Variants in NKD2 observed in about 807,000 individuals in gnomAD.
NKD2 encodes protein naked cuticle homolog 2.
A neutral mutation model predicts 34.8 loss-of-function variants in NKD2; 43 were observed. The ratio of observed to expected loss-of-function variants is 1.24; its 90% confidence interval spans 0.97 to 1.60. The LOEUF (loss-of-function observed/expected upper bound fraction) is 1.60, where lower values mean the gene tolerates loss of function less well. Among genes scored for constraint, NKD2 ranks in the 40% most tolerant of loss-of-function variants. The pLI is 0.00. For synonymous variants in NKD2, 278 were observed against 265.1 expected, an observed-to-expected ratio of 1.05 and a Z score of -0.47; for missense variants, 675 against 627.1, an observed-to-expected ratio of 1.08 and a Z score of -0.82.
intron 9 of NKD2, chr5:1,037,408 G>A: frequency 1.0e-6 from 1 of 957,200 alleles, no homozygotes; most frequent in African/African-American, 1.6e-5. Flanking sequence ...TTGTGAAGGT[G>A]GCAGTCCTGA....
rs1450322308 is a variant in NKD2 at position 1,026,368 on chromosome 5, G to A, written c.142-5784G>A. On this transcript the variant is annotated intron_variant, in intron 3 of 9. Transcript: ENST00000296849. The stretch of plus-strand genomic sequence containing the variant: ...CCTGCTCTTCCCACCCTCTGTGGGC[G>A]TCTCGGCCCATTGTCCCTGCTCTTC... Among the ~76,000 whole-genome samples, 4 of 86,084 alleles carry A rather than the reference G, an allele frequency of 4.6e-5. 1 individual carries two copies. Among genetic ancestry groups the A allele is most frequent in the South Asian group, 9.4e-4 (2 of 2,138 alleles). The allele number at this position is 86,084 out of a possible 152,430, so 56.5% of individuals were successfully genotyped here. A position where few individuals can be genotyped will look rare whatever the true frequency, so the allele number is the denominator to read the frequency against.
chr5:1,031,131 C>T (rs558955569), intron 3 of NKD2, among the ~76,000 whole-genome samples: 7 of 152,272 alleles, frequency 4.6e-5, no homozygotes, highest in African/African-American at 1.4e-4. Flanking sequence ...TGCTCAGCCT[C>T]CTGCCTGGGC....
chr5:1,030,953 C>T (rs749635069), intron 3 of NKD2, among the ~76,000 whole-genome samples: 6 of 152,146 alleles, frequency 3.9e-5, no homozygotes, highest in Non-Finnish European at 5.9e-5. Context: ...GGCAGCGCCA[C>T]CTTAGTGCCC....
Position 1,009,697 on chromosome 5 carries a change from A to G in NKD2, c.141+137A>G. The G allele has an allele frequency of 4.5e-6, 3 of 665,086 alleles. No homozygotes were observed. Among genetic ancestry groups the G allele is most frequent in the East Asian group, 3.5e-5 (1 of 28,492 alleles). 41.2% of individuals were successfully genotyped at this position (665,086 alleles called of 1,614,324 possible). A position where few individuals can be genotyped will look rare whatever the true frequency, so the allele number is the denominator to read the frequency against. On this transcript the variant is annotated intron_variant, in intron 3 of 9. Coordinates refer to ENST00000296849, the MANE Select transcript of NKD2 (RefSeq NM_033120.4). The surrounding 1 kb of genome is among the most constrained non-coding windows in gnomAD (Gnocchi z 6.9). ...ATGGCCGCACGAGTGACCGGGGGCCAGGAGAGCCAGTCTCTCCCCAGCCTC... is the reference window on the plus strand; with the variant it reads ...ATGGCCGCACGAGTGACCGGGGGCCGGGAGAGCCAGTCTCTCCCCAGCCTC...
In NKD2 at chr5:1,034,313, GGGAA is replaced by G; in HGVS notation, c.412_415del (p.Lys138SerfsTer33). 1 of 1,612,750 alleles carries G rather than the reference GGGAA, an allele frequency of 6.2e-7. No individual in the cohort carries two copies. The highest frequency in any genetic ancestry group is 1.3e-5 in the African/African-American group (1 of 75,028). On this transcript the variant is annotated frameshift_variant, in exon 6 of 10. Transcript: ENST00000296849. LOFTEE classifies it high-confidence loss of function. Reference sequence around the variant, plus strand: ...CACGCTCTATGACTTTGACAACTGCGGGAAGGTCACCAGGGAGGTAGGTGAGCTT... The same window carrying G: ...CACGCTCTATGACTTTGACAACTGCGGGTCACCAGGGAGGTAGGTGAGCTT...
intron 8 of NKD2, 48 bp from the exon 9 acceptor site, chr5:1,036,209 G>A (rs73026756): frequency 0.039 from 58,000 of 1,484,156 alleles, 1,221 homozygotes; most frequent in African/African-American, 0.065. Flanking sequence ...TCAGGGGTGC[G>A]CCACCCAGTC....
intron 3 of NKD2, among the ~76,000 whole-genome samples, chr5:1,017,915 G>A (rs891465305): frequency 3.3e-5 from 5 of 151,672 alleles, no homozygotes; most frequent in Non-Finnish European, 7.4e-5. Flanking sequence ...CTGGGGTGCA[G>A]GGCCTGTGGT....
At chr5:1,018,456 C>CTTTG (rs1293146804) in intron 3 of NKD2, among the ~76,000 whole-genome samples, 3 of 152,224 alleles carry the variant, frequency 2.0e-5, no homozygotes, top group African/African-American at 7.2e-5. Flanking sequence ...CGGACATGGG[C>CTTTG]CTGGGGAAGG....
At chr5:1,017,675 C>G (rs1031406555) in intron 3 of NKD2, among the ~76,000 whole-genome samples, 27 of 152,224 alleles carry the variant, frequency 1.8e-4, no homozygotes, top group African/African-American at 6.0e-4. Context: ...AGCCCCCCAC[C>G]ACGGGGCCGC....
At chr5:1,012,520 G>A (rs1238263345) in intron 3 of NKD2, among the ~76,000 whole-genome samples, 1 of 152,252 alleles carries the variant, frequency 6.6e-6, no homozygotes, top group East Asian at 1.9e-4. Context: ...AAGGGAGCCA[G>A]GAGGACCACA....
intron 3 of NKD2, among the ~76,000 whole-genome samples, chr5:1,027,510 C>G (rs1166644188): frequency 1.3e-5 from 2 of 152,226 alleles, no homozygotes; most frequent in Non-Finnish European, 2.9e-5. Context: ...TCCCTCTCCT[C>G]TGCCTCGGCT....
rs754448179 is a variant in NKD2, at chr5:1,038,484, C to T, written c.*111C>T. Reference sequence around the variant, plus strand: ...CATGGGGAGCCCAGCCCCCACCCCCCACCTCCGACAGCAAACAGCAACTGA... The same window carrying T: ...CATGGGGAGCCCAGCCCCCACCCCCTACCTCCGACAGCAAACAGCAACTGA... On this transcript the variant is annotated 3_prime_UTR_variant, in exon 10 of 10. Transcript: ENST00000296849. The surrounding 1 kb of genome is among the most constrained non-coding windows in gnomAD (Gnocchi z 4.5). 4 of 1,531,434 alleles carry T rather than the reference C, an allele frequency of 2.6e-6. No homozygotes were observed. The highest frequency in any genetic ancestry group is 3.9e-5 in the Admixed American group (2 of 50,982). The allele number at this position is 1,531,434 out of a possible 1,614,324, so 94.9% of individuals were successfully genotyped here.
In NKD2 at chr5:1,009,499, CCGCGTA is replaced by C; in HGVS notation, c.85_90del (p.Tyr29_Ala30del). On this transcript the variant is annotated inframe_deletion, in exon 3 of 10. Coordinates refer to ENST00000296849, the MANE Select transcript of NKD2 (RefSeq NM_033120.4). This position sits in a 1 kb window ranked among gnomAD's most constrained non-coding sequence, Gnocchi z 6.9. Reference sequence around the variant, plus strand: ...ACCGCAGGGGACAGCTTCGTGGCGTCCGCGTACGCGAGCGGCCGCAAAGGCGCGGAG... The same window carrying C: ...ACCGCAGGGGACAGCTTCGTGGCGTCCGCGAGCGGCCGCAAAGGCGCGGAG... The C allele has an allele frequency of 1.3e-6, 2 of 1,498,756 alleles. No individual in the cohort carries two copies. The highest frequency in any genetic ancestry group is 4.1e-4 in the Middle Eastern group (2 of 4,874). The allele number at this position is 1,498,756 out of a possible 1,614,324, so 92.8% of individuals were successfully genotyped here.
In NKD2 at chr5:1,034,121, C is replaced by A. The variant is rs576937271; in HGVS notation, c.331-114C>A. On this transcript the variant is annotated intron_variant, in intron 5 of 9. Transcript: ENST00000296849. ...ACGCTGCCCTCTAGGCTCCGCCTTT[C>A]CTAGCTGGCATGAGGGACCCCTGGG... 4.8e-4 allele frequency: 350 copies of A among 735,710 alleles called. 5 individuals carry two copies. The South Asian group carries it at 5.4e-3, about 11-fold the overall frequency. The allele number at this position is 735,710 out of a possible 1,614,324, so 45.6% of individuals were successfully genotyped here.
chr5:1,015,676 C>T lies in NKD2; in HGVS notation c.141+6116C>T, dbSNP rs565815405. Among the ~76,000 whole-genome samples the T allele has an allele frequency of 3.0e-4, 45 of 152,328 alleles. 1 individual carries two copies. The highest frequency in any genetic ancestry group is 9.1e-4 in the African/African-American group (38 of 41,566). On this transcript the variant is annotated intron_variant, in intron 3 of 9. Transcript: ENST00000296849. Reference sequence around the variant, plus strand: ...CTGGGGTGAGGTCAGCATTTAGAGGCGGTCCTGCCCGCACATGCTGCCGCC... The same window carrying T: ...CTGGGGTGAGGTCAGCATTTAGAGGTGGTCCTGCCCGCACATGCTGCCGCC...
intron 3 of NKD2, among the ~76,000 whole-genome samples, chr5:1,022,311 CTTT>C: frequency 1.1e-5 from 1 of 91,272 alleles, no homozygotes; most frequent in Non-Finnish European, 2.6e-5. Flanking sequence ...TGTCCCAGCC[CTTT>C]GTCCCTGCTC....
rs368253226 is a variant in NKD2 at position 1,011,890 on chromosome 5, C to T, written c.141+2330C>T. Among the ~76,000 whole-genome samples, 45 of 152,338 alleles carry T rather than the reference C, an allele frequency of 3.0e-4. 1 individual carries two copies. The highest frequency in any genetic ancestry group is 9.6e-4 in the African/African-American group (40 of 41,564). On this transcript the variant is annotated intron_variant, in intron 3 of 9. Transcript: ENST00000296849. ...GCCACACTTTGCTTTTGGCGGGACC[C>T]GCACGGCTTCATCACCGAGTGTCCC...
rs1380093771 is a variant in NKD2, at chr5:1,038,089, C to T, written c.1072C>T (p.Pro358Ser). The change falls in exon 10 of 10, where the codon CCG (proline) becomes TCG (serine). Residue 358 changes from proline (P) to serine (S), a missense_variant. Physicochemically the swap from Pro to Ser is moderately conservative, Grantham distance 74. Coordinates refer to ENST00000296849, the MANE Select transcript of NKD2 (RefSeq NM_033120.4). The surrounding 1 kb of genome is among the most constrained non-coding windows in gnomAD (Gnocchi z 4.5). ...CGGGAAAGCCTTCAGCTACTACCTGCCGGCCGTCCTGCCGCCCCAGGCCCC... is the reference window on the plus strand; with the variant it reads ...CGGGAAAGCCTTCAGCTACTACCTGTCGGCCGTCCTGCCGCCCCAGGCCCC... ...KSGKAFSYYL[P>S]AVLPPQAPQD... The T allele has an allele frequency of 6.2e-7, 1 of 1,605,990 alleles. No homozygotes were observed. The highest frequency in any genetic ancestry group is 1.3e-5 in the African/African-American group (1 of 74,960).
At chr5:1,020,757 ATCTCT>A (rs1275695113) in intron 3 of NKD2, among the ~76,000 whole-genome samples, 1 of 141,682 alleles carries the variant, frequency 7.1e-6, no homozygotes, top group Non-Finnish European at 1.5e-5. Flanking sequence ...CCTGTAACTC[ATCTCT>A]TCACTTCCAC....
Sources: gnomAD v4.1 joint callset for allele counts (sites outside exome capture counted in the v4.1 genomes callset) on GRCh38, gnomAD v4.1.1 for gene constraint, Gnocchi (gnomAD v3.1) non-coding constraint, MANE v1.5 for transcripts, NCBI Gene and HGNC (gene_info 2026-07-23, HGNC 2026-07-21) for gene names.